DEGS2: variants seen among roughly 807,000 people sequenced by gnomAD.
DEGS2 encodes the protein delta 4-desaturase, sphingolipid 2.
In DEGS2, 19 loss-of-function variants were observed where a neutral mutation model predicts 23.8. The ratio of observed to expected loss-of-function variants is 0.80; its 90% CI spans 0.56 to 1.17. The LOEUF (loss-of-function observed/expected upper bound fraction) is 1.17, where lower values mean the gene tolerates loss of function less well. Ranked by LOEUF, DEGS2 falls within the 50% of genes most tolerant of loss-of-function variation. DEGS2 has a pLI of 0.00. For synonymous variants in DEGS2, 218 were observed against 213.7 expected, an observed-to-expected ratio of 1.02 and a Z score of -0.18; for missense variants, 390 against 459.5, an observed-to-expected ratio of 0.85 and a Z score of 1.38.
In DEGS2 at chr14:100,159,599, A is replaced by AGGCGCCGTTCGGAGCGCGGCC; in HGVS notation, c.-33_-13dup. 1 of 1,453,534 alleles carries AGGCGCCGTTCGGAGCGCGGCC rather than the reference A, an allele frequency of 6.9e-7. No individual in the cohort carries two copies. The highest frequency in any genetic ancestry group is 9.1e-7 in the Non-Finnish European group (1 of 1,102,290). 90.0% of individuals were successfully genotyped at this position (1,453,534 alleles called of 1,614,324 possible). ...GCGCTGTTGCCCATGGTGGGGCGGGAGGCGCCGTTCGGAGCGCGGCCGGCT... is the reference window on the plus strand; with the variant it reads ...GCGCTGTTGCCCATGGTGGGGCGGGAGGCGCCGTTCGGAGCGCGGCCGGCGCCGTTCGGAGCGCGGCCGGCT... On this transcript the variant is annotated 5_prime_UTR_variant, in exon 1 of 3. Transcript: ENST00000305631.
intron 1 of DEGS2, among the ~76,000 whole-genome samples, chr14:100,151,887 C>G (rs1889577964): frequency 6.6e-6 from 1 of 152,212 alleles, no homozygotes; most frequent in South Asian, 2.1e-4. Context: ...CTACCATCTT[C>G]AGCTCCAGAG....
rs1258882617 is a variant in DEGS2, at chr14:100,149,124, G to A, written c.669C>T (p.His223=). Residue 223 remains histidine, a synonymous_variant, in exon 2 of 3, where the codon CAC becomes CAT. Coordinates refer to ENST00000305631, the MANE Select transcript of DEGS2 (RefSeq NM_206918.3). ...LASSFLGLGL[H]PISGHFVAEH... The stretch of plus-strand genomic sequence containing the variant: ...CGGCCACGAAGTGGCCCGAGATGGG[G>A]TGCAGGCCCAGGCCCAGGAAGGAGC... 3 of 1,612,920 alleles carry A rather than the reference G, an allele frequency of 1.9e-6. No individual in the cohort carries two copies. The highest frequency in any genetic ancestry group is 2.5e-6 in the Non-Finnish European group (3 of 1,180,020).
chr14:100,157,897 A>G (rs1187829960), intron 1 of DEGS2, among the ~76,000 whole-genome samples: 2 of 151,902 alleles, frequency 1.3e-5, no homozygotes, highest in East Asian at 1.9e-4. Context: ...AGACCAGCCT[A>G]GCCAACATGG....
upstream of DEGS2, among the ~76,000 whole-genome samples, chr14:100,161,527 A>C (rs766870536): frequency 6.6e-6 from 1 of 152,162 alleles, no homozygotes; most frequent in Non-Finnish European, 1.5e-5. Flanking sequence ...AATGACAGAA[A>C]ATACATTTTC....
chr14:100,166,336 AGCCTGCCCGGGGCT>A, the DEGS2 span, among the ~76,000 whole-genome samples: 12,292 of 32,054 alleles, frequency 0.38, 2,877 homozygotes, highest in African/African-American at 0.61. Flanking sequence ...GCTGTGGGGG[AGCCTGCCCGGGGCT>A]GTGGGGGGAG....
In DEGS2 at chr14:100,145,491, G is replaced by C. The variant is rs1889427392; in HGVS notation, c.*1270C>G. The stretch of plus-strand genomic sequence containing the variant: ...CACTCCCAGGTATAGGGGGAGACCT[G>C]CATCTCCCAGGTCAGCAGGGACAGC... On this transcript the variant is annotated 3_prime_UTR_variant, in exon 3 of 3. Transcript: ENST00000305631. 6.6e-6 allele frequency: 1 copy of C among 152,274 alleles called. No homozygotes were observed. Among genetic ancestry groups the C allele is most frequent in the African/African-American group, 2.4e-5 (1 of 41,458 alleles). 9.4% of individuals were successfully genotyped at this position (152,274 alleles called of 1,614,324 possible).
rs563911119 is a variant in DEGS2, at chr14:100,147,758, C to T, written c.826-851G>A. Among the ~76,000 whole-genome samples the T allele has an allele frequency of 1.7e-4, 25 of 151,154 alleles. No homozygotes were observed. In the South Asian group the frequency reaches 2.3e-3, roughly 14 times the overall value. Reference sequence around the variant, plus strand: ...GAGCCTGGCCGCAAAACCAGGACAGCGGGGCCAGCACCAGGCACCCAGAGC... The same window carrying T: ...GAGCCTGGCCGCAAAACCAGGACAGTGGGGCCAGCACCAGGCACCCAGAGC... On this transcript the variant is annotated intron_variant, in intron 2 of 2. Coordinates refer to ENST00000305631, the MANE Select transcript of DEGS2 (RefSeq NM_206918.3).
chr14:100,160,505 G>A (rs1261212526), upstream of DEGS2, among the ~76,000 whole-genome samples: 1 of 152,240 alleles, frequency 6.6e-6, no homozygotes, highest in Non-Finnish European at 1.5e-5. Flanking sequence ...TTTTGGGGAG[G>A]TAAGGGCACA....
rs1491145114 is a variant in DEGS2, at chr14:100,153,293, A to AGATAGATAGAT, written c.83-3594_83-3584dup. ...TAGATAGATAGATAGATAGATAGAT[A>AGATAGATAGAT]GATAGATAGATAATAGATGTGAGAG... On this transcript the variant is annotated intron_variant, in intron 1 of 2. Coordinates refer to ENST00000305631, the MANE Select transcript of DEGS2 (RefSeq NM_206918.3). Among the ~76,000 whole-genome samples the AGATAGATAGAT allele has an allele frequency of 5.5e-4, 69 of 126,100 alleles. No homozygotes were observed. The East Asian group carries it at 9.0e-3, about 16-fold the overall frequency. 82.7% of individuals were successfully genotyped at this position (126,100 alleles called of 152,430 possible).
upstream of DEGS2, among the ~76,000 whole-genome samples, chr14:100,163,557 C>G (rs1382550812): frequency 6.6e-6 from 1 of 152,160 alleles, no homozygotes; most frequent in Non-Finnish European, 1.5e-5. Context: ...CATAGCCAGA[C>G]TGCTAGGAAA....
chr14:100,159,579 G>A lies in DEGS2; in HGVS notation c.9C>T (p.Asn3=). 6.7e-7 allele frequency: 1 copy of A among 1,493,506 alleles called. No individual in the cohort carries two copies. Among genetic ancestry groups the A allele is most frequent in the Non-Finnish European group, 8.9e-7 (1 of 1,123,098 alleles). 92.5% of individuals were successfully genotyped at this position (1,493,506 alleles called of 1,614,324 possible). The part of the protein sequence containing the change: MG[N]SASRSDFEWV... The stretch of plus-strand genomic sequence containing the variant: ...ACTCGAAGTCGCTGCGGCTCGCGCT[G>A]TTGCCCATGGTGGGGCGGGAGGCGC... The change falls in exon 1 of 3, where the codon AAC becomes AAT. Residue 3 remains asparagine, a synonymous_variant. Transcript: ENST00000305631.
At chr14:100,166,276 C>CCGGGGCTG in the DEGS2 span, among the ~76,000 whole-genome samples, 2 of 93,684 alleles carry the variant, frequency 2.1e-5, no homozygotes, top group Non-Finnish European at 3.9e-5. Flanking sequence ...GGGAGCCTGT[C>CCGGGGCTG]TGGGGGAGTG....
the DEGS2 span, among the ~76,000 whole-genome samples, chr14:100,165,748 G>T: frequency 2.0e-5 from 3 of 151,836 alleles, no homozygotes; most frequent in African/African-American, 4.8e-5. Flanking sequence ...AGGGAGCCAC[G>T]GGAGGGACTT....
At chr14:100,149,757 A>G (rs1205862853) in intron 1 of DEGS2, 47 bp from the exon 2 acceptor site, 3 of 1,537,488 alleles carry the variant, frequency 2.0e-6, no homozygotes, top group Non-Finnish European at 2.6e-6. Flanking sequence ...GTGGGGCTGC[A>G]CCCCGCCCTC....
the DEGS2 span, among the ~76,000 whole-genome samples, chr14:100,165,857 G>A: frequency 6.9e-6 from 1 of 144,796 alleles, no homozygotes; most frequent in African/African-American, 2.6e-5. Flanking sequence ...GGGGAATTGG[G>A]GGAGACTGCA....
At chr14:100,163,290 A>G (rs1889770731), upstream of DEGS2, among the ~76,000 whole-genome samples, 1 of 151,590 alleles carries the variant, frequency 6.6e-6, no homozygotes, top group African/African-American at 2.4e-5. Flanking sequence ...AAAATACAAA[A>G]ATTAGCCAGG....
chr14:100,158,147 G>A (rs1348516048), intron 1 of DEGS2, among the ~76,000 whole-genome samples: 3 of 150,958 alleles, frequency 2.0e-5, no homozygotes, highest in African/African-American at 7.3e-5. Flanking sequence ...CATGGCCCAT[G>A]CCTGTAGTCC....
At chr14:100,166,170 TGGGGGGAG>T in the DEGS2 span, among the ~76,000 whole-genome samples, 50 of 28,750 alleles carry the variant, frequency 1.7e-3, 6 homozygotes, top group African/African-American at 5.2e-3. Context: ...TCTGGGGGAG[TGGGGGGAG>T]CCTGTCTGGG....
chr14:100,147,415 C>T (rs1255792911), intron 2 of DEGS2, among the ~76,000 whole-genome samples: 1 of 152,216 alleles, frequency 6.6e-6, no homozygotes, highest in Non-Finnish European at 1.5e-5. Context: ...GTGTCACACC[C>T]ATGCATCTCA....
Sources: allele counts gnomAD v4.1 joint callset (sites outside exome capture counted in the v4.1 genomes callset), GRCh38; gene constraint gnomAD v4.1.1; transcripts MANE v1.5; gene names NCBI Gene and HGNC (gene_info 2026-07-23, HGNC 2026-07-21).